ABCC5: variants seen among roughly 807,000 people sequenced by gnomAD.
ABCC5 encodes the protein ATP binding cassette subfamily C member 5.
In ABCC5, 61 loss-of-function variants were observed where a neutral mutation model predicts 160.9. The observed-to-expected ratio is 0.38, with a 90% CI of 0.31 to 0.47. The LOEUF is 0.47. ABCC5 is among the 20% of genes least tolerant of loss of function. ABCC5 has a pLI of 0.99. For missense variants in ABCC5, 1,308 were observed against 1,813.3 expected, an observed-to-expected ratio of 0.72 and a Z score of 5.06; for synonymous variants, 666 against 700.6, an observed-to-expected ratio of 0.95 and a Z score of 0.78.
intron 17 of ABCC5, among the ~76,000 whole-genome samples, chr3:183,956,600 G>A (rs1447196654): frequency 3.1e-4 from 47 of 150,450 alleles, no homozygotes; most frequent in Non-Finnish European, 6.2e-4. Context: ...ATGCAGATCC[G>A]TGTGTATATC....
At chr3:184,002,845 A>G (rs1163207369) in intron 2 of ABCC5, among the ~76,000 whole-genome samples, 1 of 152,200 alleles carries the variant, frequency 6.6e-6, no homozygotes, top group Admixed American at 6.5e-5. Flanking sequence ...GATTCAACCA[A>G]GTTGTTCCTG....
At position 184,007,016 on chromosome 3, in the gene ABCC5, C is replaced by CTTTTTT. The variant is rs376229755; in HGVS notation, c.129+7242_129+7247dup. 8.4e-4 allele frequency among the ~76,000 whole-genome samples: 68 copies of CTTTTTT among 81,158 alleles called. 1 individual carries two copies. The highest frequency in any genetic ancestry group is 1.1e-3 in the Non-Finnish European group (48 of 45,308). The allele number at this position is 81,158 out of a possible 152,430, so 53.2% of individuals were successfully genotyped here. ...GTACATGAACTTTAGTTTACTTCTG[C>CTTTTTT]TTTTTTTTTTTTTTTTTTTTTTTTG... On this transcript the variant is annotated intron_variant, in intron 2 of 29. Coordinates refer to ENST00000334444, the MANE Select transcript of ABCC5 (RefSeq NM_005688.4).
In ABCC5 at chr3:183,987,972, A is replaced by G; in HGVS notation, c.444-55T>C. 1 of 1,584,674 alleles carries G rather than the reference A, an allele frequency of 6.3e-7. No homozygotes were observed. The highest frequency in any genetic ancestry group is 8.6e-7 in the Non-Finnish European group (1 of 1,163,210). ...ATCTCCTCGGGGGAAAGGCACACCT[A>G]GCTCCCCGCCTGCCACCACTTTTTG... is the stretch of plus-strand genomic sequence containing the variant. On this transcript the variant is annotated intron_variant, in intron 4 of 29. Coordinates refer to ENST00000334444, the MANE Select transcript of ABCC5 (RefSeq NM_005688.4). The surrounding 1 kb of genome is among the most constrained non-coding windows in gnomAD (Gnocchi z 4.2).
In ABCC5 at chr3:183,972,477, G is replaced by A. The variant is rs3805109; in HGVS notation, c.1405-558C>T. Among the ~76,000 whole-genome samples, 2,232 of 152,180 alleles carry A rather than the reference G, an allele frequency of 0.015. 106 individuals are homozygous for A. The East Asian group carries it at 0.18, about 12-fold the overall frequency. ...ACCGCAGAGAACATCTTCTTGCCAAGAAACTCTCATGTCTTCAAAGCCTTG... is the reference window on the plus strand; with the variant it reads ...ACCGCAGAGAACATCTTCTTGCCAAAAAACTCTCATGTCTTCAAAGCCTTG... On this transcript the variant is annotated intron_variant, in intron 10 of 29. Coordinates refer to ENST00000334444, the MANE Select transcript of ABCC5 (RefSeq NM_005688.4).
chr3:183,986,816 A>T (rs1421219746), intron 5 of ABCC5: 2 of 152,238 alleles, frequency 1.3e-5, no homozygotes. Flanking sequence ...CTTCTTACTT[A>T]AAACTTTTAT....
At chr3:184,002,104 A>G (rs909833535) in intron 2 of ABCC5, among the ~76,000 whole-genome samples, 2 of 152,130 alleles carry the variant, frequency 1.3e-5, no homozygotes, top group African/African-American at 4.8e-5. Context: ...AGGGACAATG[A>G]AGTTCAGATT....
intron 17 of ABCC5, among the ~76,000 whole-genome samples, chr3:183,954,377 G>A (rs1249133874): frequency 6.6e-6 from 1 of 152,208 alleles, no homozygotes; most frequent in East Asian, 1.9e-4. Context: ...TCGAACTCCT[G>A]ACCTCAGGTG....
intron 1 of ABCC5, among the ~76,000 whole-genome samples, chr3:184,015,424 C>T (rs1308330345): frequency 6.6e-6 from 1 of 152,196 alleles, no homozygotes; most frequent in East Asian, 1.9e-4. Flanking sequence ...AAATTAAAGA[C>T]GTGTAGCCGT....
intron 10 of ABCC5, among the ~76,000 whole-genome samples, chr3:183,975,783 GC>G (rs1718163325): frequency 6.6e-6 from 1 of 151,954 alleles, no homozygotes; most frequent in African/African-American, 2.4e-5. Context: ...GGGTGGTGCT[GC>G]TTCTACTATT....
chr3:183,970,231 GAC>G (rs1406388217), intron 11 of ABCC5, among the ~76,000 whole-genome samples: 1 of 152,140 alleles, frequency 6.6e-6, no homozygotes, highest in Non-Finnish European at 1.5e-5. Flanking sequence ...TCCAATAACA[GAC>G]ACACTCACCA....
chr3:184,001,106 A>C (rs1243378409), intron 2 of ABCC5: 1 of 415,546 alleles, frequency 2.4e-6, no homozygotes, highest in Non-Finnish European at 4.3e-6. Flanking sequence ...TTTAAAAGTT[A>C]GCCAGGCATG....
At chr3:183,972,183 C>T (rs1291245435) in intron 10 of ABCC5, 2 of 635,404 alleles carry the variant, frequency 3.1e-6, no homozygotes, top group Non-Finnish European at 5.6e-6. Flanking sequence ...TGCCTTTCCC[C>T]CTCAGCCAGC....
chr3:183,963,123 A>G lies in ABCC5; in HGVS notation c.2235+262T>C, dbSNP rs1046679968. On this transcript the variant is annotated intron_variant, in intron 15 of 29. Transcript: ENST00000334444. The surrounding 1 kb of genome is among the most constrained non-coding windows in gnomAD (Gnocchi z 4.6). ...CCAAACTATCTTATACCCAAACTCC[A>G]TTTTTGGCCTGCTCCTCTCAGCCCT... is the stretch of plus-strand genomic sequence containing the variant. 6.6e-6 allele frequency among the ~76,000 whole-genome samples: 1 copy of G among 152,094 alleles called. No homozygotes were observed. The highest frequency in any genetic ancestry group is 1.5e-5 in the Non-Finnish European group (1 of 68,012).
In ABCC5 at chr3:183,942,616, A is replaced by G. The variant is rs959397708; in HGVS notation, c.3694+111T>C. The G allele has an allele frequency of 1.5e-5, 20 of 1,370,550 alleles. No individual in the cohort carries two copies. The African/African-American group carries it at 2.7e-4, about 19-fold the overall frequency. The allele number at this position is 1,370,550 out of a possible 1,614,324, so 84.9% of individuals were successfully genotyped here. A position where few individuals can be genotyped will look rare whatever the true frequency, so the allele number is the denominator to read the frequency against. ...GAAAATTGGTTTCAGTAGGGGGCTG[A>G]GACACTAATTGCTCATCAAACAAAC... On this transcript the variant is annotated intron_variant, in intron 25 of 29. Transcript: ENST00000334444.
chr3:184,010,018 A>C (rs1443505583), intron 2 of ABCC5: 2 of 431,366 alleles, frequency 4.6e-6, no homozygotes, highest in African/African-American at 4.1e-5. Flanking sequence ...AAAAAATAAA[A>C]GTTCATGGCC....
intron 29 of ABCC5, among the ~76,000 whole-genome samples, chr3:183,923,730 T>C (rs1712235730): frequency 1.3e-5 from 2 of 152,218 alleles, no homozygotes; most frequent in African/African-American, 2.4e-5. Context: ...CAACGTATCT[T>C]ATGTATGACA....
intron 2 of ABCC5, among the ~76,000 whole-genome samples, chr3:184,013,518 T>C (rs1721928654): frequency 6.6e-6 from 1 of 152,094 alleles, no homozygotes; most frequent in Non-Finnish European, 1.5e-5. Context: ...CCTCCCAAAG[T>C]GCTGGGATTA....
intron 10 of ABCC5, among the ~76,000 whole-genome samples, chr3:183,975,187 C>T (rs1455699792): frequency 2.0e-5 from 3 of 152,124 alleles, no homozygotes; most frequent in Non-Finnish European, 2.9e-5. Flanking sequence ...GGCAAACTTC[C>T]TTTAACGTAC....
chr3:183,984,832 G>A (rs1370085862), intron 5 of ABCC5: 1 of 1,586,334 alleles, frequency 6.3e-7, no homozygotes, highest in Admixed American at 1.7e-5. Context: ...TCAGTAAGAT[G>A]GCGGTGCAGT....
Sources: gnomAD v4.1 joint callset for allele counts (sites outside exome capture counted in the v4.1 genomes callset) on GRCh38, gnomAD v4.1.1 for gene constraint, Gnocchi (gnomAD v3.1) non-coding constraint, MANE v1.5 for transcripts, NCBI Gene and HGNC (gene_info 2026-07-23, HGNC 2026-07-21) for gene names.